The following CERS6 variants were observed in gnomAD, a reference collection of about 807,000 sequenced individuals.
CERS6 encodes the protein ceramide synthase 6.
A neutral mutation model predicts 56.8 loss-of-function variants in CERS6; 26 were observed. The observed-to-expected ratio is 0.46, with a 90% CI of 0.34 to 0.63. The LOEUF is 0.63. Ranked by LOEUF, CERS6 falls within the 30% of genes least tolerant of loss-of-function variation. The pLI is 0.01. For missense variants in CERS6, 415 were observed against 467.5 expected (o/e 0.89, Z 1.04); for synonymous variants, 164 against 173.3 (o/e 0.95, Z 0.42).
chr2:168,570,045 TG>T (rs1457053687), intron 3 of CERS6, among the ~76,000 whole-genome samples: 5 of 152,110 alleles, frequency 3.3e-5, no homozygotes, highest in Admixed American at 3.3e-4. Flanking sequence ...CCTGGCCACA[TG>T]GCTTCCTCAG....
chr2:168,496,571 C>T (rs1694475182), intron 1 of CERS6, among the ~76,000 whole-genome samples: 2 of 152,104 alleles, frequency 1.3e-5, no homozygotes, highest in Admixed American at 6.6e-5. Flanking sequence ...AATTCTGTGT[C>T]AAATTGATAG....
At chr2:168,617,063 A>G (rs1449039359) in intron 3 of CERS6, among the ~76,000 whole-genome samples, 4 of 152,188 alleles carry the variant, frequency 2.6e-5, no homozygotes, top group Non-Finnish European at 4.4e-5. Flanking sequence ...AAAAGTGGAA[A>G]TCAACTCCAA....
At chr2:168,678,979 C>A (rs1405022246) in intron 4 of CERS6, among the ~76,000 whole-genome samples, 1 of 152,110 alleles carries the variant, frequency 6.6e-6, no homozygotes, top group Non-Finnish European at 1.5e-5. Flanking sequence ...CATATATACA[C>A]AATGGAATCC....
At chr2:168,568,298 C>G (rs1005481162) in intron 3 of CERS6, among the ~76,000 whole-genome samples, 1 of 152,094 alleles carries the variant, frequency 6.6e-6, no homozygotes, top group African/African-American at 2.4e-5. Flanking sequence ...ATAAAGAGGA[C>G]AGAATGTAGA....
At chr2:168,634,060 G>A (rs1684808209) in intron 4 of CERS6, among the ~76,000 whole-genome samples, 1 of 152,142 alleles carries the variant, frequency 6.6e-6, no homozygotes, top group African/African-American at 2.4e-5. Flanking sequence ...ATTTTCTATG[G>A]TGGTTTAATA....
At chr2:168,582,825 A>G (rs1197441197) in intron 3 of CERS6, 1 of 154,192 alleles carries the variant, frequency 6.5e-6, no homozygotes, top group Non-Finnish European at 1.5e-5. Context: ...ATAGCTGGTG[A>G]TTTCATAGTG....
chr2:168,744,920 C>T (rs546184560), intron 8 of CERS6, among the ~76,000 whole-genome samples: 17 of 152,252 alleles, frequency 1.1e-4, no homozygotes, highest in African/African-American at 3.9e-4. Context: ...TTTAAAAATT[C>T]CAATGCCCAG....
chr2:168,498,638 T>C (rs1694519121), intron 1 of CERS6, among the ~76,000 whole-genome samples: 1 of 152,220 alleles, frequency 6.6e-6, no homozygotes, highest in African/African-American at 2.4e-5. Flanking sequence ...ACAGTTAGGC[T>C]CTTTATATCA....
At position 168,769,544 on chromosome 2, in the gene CERS6, G is replaced by C. The variant is rs1339218277; in HGVS notation, c.1037G>C (p.Ser346Thr). 3.7e-6 allele frequency: 6 copies of C among 1,611,038 alleles called. No homozygotes were observed. Among genetic ancestry groups the C allele is most frequent in the Admixed American group, 1.7e-5 (1 of 59,292 alleles). Residue 346 changes from serine to threonine, a missense_variant, in exon 10 of 10, where the codon AGC becomes ACC. Coordinates refer to ENST00000305747, the MANE Select transcript of CERS6 (RefSeq NM_203463.3). Reference protein sequence around the residue: ...SKDDRSDIESSSDEEDSEPPG... With the variant: ...SKDDRSDIESTSDEEDSEPPG... ...GATGATCGAAGTGATATTGAGTCTA[G>C]CTCAGATGAGGAGGACTCAGAACCT...
At chr2:168,555,726 G>C (rs533310623) in intron 2 of CERS6, among the ~76,000 whole-genome samples, 13 of 61,684 alleles carry the variant, frequency 2.1e-4, no homozygotes, top group East Asian at 1.7e-3. Context: ...TTGACTCTGT[G>C]TGTGTGTGTG....
chr2:168,531,960 G>A (rs1315189564), intron 1 of CERS6, among the ~76,000 whole-genome samples: 1 of 152,162 alleles, frequency 6.6e-6, no homozygotes, highest in Non-Finnish European at 1.5e-5. Flanking sequence ...ATTGTGAGAG[G>A]TGCTCAGACA....
At chr2:168,481,697 C>A (rs1314217549) in intron 1 of CERS6, among the ~76,000 whole-genome samples, 1 of 152,180 alleles carries the variant, frequency 6.6e-6, no homozygotes, top group Non-Finnish European at 1.5e-5. Context: ...GAAATAAATG[C>A]TTAATCTGTT....
At chr2:168,497,764 C>T (rs768241379) in intron 1 of CERS6, among the ~76,000 whole-genome samples, 74 of 152,168 alleles carry the variant, frequency 4.9e-4, no homozygotes, top group Non-Finnish European at 7.9e-4. Flanking sequence ...CATGGGATGC[C>T]GTTAGTAGGT....
chr2:168,474,877 A>G (rs1344883528), intron 1 of CERS6, among the ~76,000 whole-genome samples: 2 of 152,228 alleles, frequency 1.3e-5, no homozygotes, highest in African/African-American at 2.4e-5. Context: ...GAAATCAGTA[A>G]TGAAGAATAT....
At chr2:168,698,255 G>GAAAAAAAAAAAAAAA (rs869056813) in intron 6 of CERS6, among the ~76,000 whole-genome samples, 2 of 17,948 alleles carry the variant, frequency 1.1e-4, no homozygotes, top group Non-Finnish European at 5.9e-4. Context: ...AAAAAAAAAA[G>GAAAAAAAAAAAAAAA]AAAAAAAAAA....
chr2:168,674,882 T>C (rs1464432837), intron 4 of CERS6, among the ~76,000 whole-genome samples: 5 of 152,218 alleles, frequency 3.3e-5, no homozygotes, highest in Admixed American at 6.5e-5. Context: ...CTTTTGTTTA[T>C]GTTATTGATG....
chr2:168,503,565 A>G (rs1694622073), intron 1 of CERS6, among the ~76,000 whole-genome samples: 1 of 152,120 alleles, frequency 6.6e-6, no homozygotes, highest in Admixed American at 6.6e-5. Context: ...GAGGGTGGAA[A>G]TGGCAGCAAT....
intron 1 of CERS6, among the ~76,000 whole-genome samples, chr2:168,545,317 T>C (rs1247539382): frequency 6.6e-6 from 1 of 152,172 alleles, no homozygotes; most frequent in African/African-American, 2.4e-5. Context: ...TGTAAAAATA[T>C]GTTAACAAAG....
intron 4 of CERS6, among the ~76,000 whole-genome samples, chr2:168,658,452 C>G (rs764562999): frequency 1.3e-5 from 2 of 152,198 alleles, no homozygotes; most frequent in Non-Finnish European, 2.9e-5. Flanking sequence ...AGGTGATCCT[C>G]TCTAGTCTCT....
Sources: gnomAD v4.1 joint callset for allele counts (sites outside exome capture counted in the v4.1 genomes callset) on GRCh38, gnomAD v4.1.1 for gene constraint, MANE v1.5 for transcripts, NCBI Gene and HGNC (gene_info 2026-07-23, HGNC 2026-07-21) for gene names.